The following RCC1 variants were observed in gnomAD, a reference collection of about 807,000 sequenced individuals.
RCC1 encodes regulator of chromosome condensation 1, also known as regulator of chromosome condensation.
RCC1 carries 11 observed loss-of-function variants against 44.4 expected under a neutral mutation model. That is an observed-to-expected ratio of 0.25 (90% confidence interval 0.16 to 0.41). The LOEUF (loss-of-function observed/expected upper bound fraction) is 0.41. RCC1 is among the 10% of genes least tolerant of loss of function. The probability of loss-of-function intolerance (pLI) is 1.00; values close to 1 mark genes in which losing one functional copy is unlikely to be tolerated. For synonymous variants in RCC1, 213 were observed against 216.5 expected, an observed-to-expected ratio of 0.98 and a Z score of 0.14; for missense variants, 386 against 547.1, an observed-to-expected ratio of 0.71 and a Z score of 2.94.
chr1:28,532,569 CCTGGG>C, intron 7 of RCC1: 1 of 562,092 alleles, frequency 1.8e-6, no homozygotes, highest in Non-Finnish European at 3.2e-6. Flanking sequence ...AAGTGTCTGT[CCTGGG>C]AAGTGAGTGG....
intron 9 of RCC1, 168 bp from the exon 10 acceptor site, chr1:28,535,703 C>T: frequency 1.2e-6 from 1 of 825,680 alleles, no homozygotes; most frequent in Non-Finnish European, 2.0e-6. Context: ...GGAATCTGAG[C>T]AAGGCACTTG....
At position 28,535,784 on chromosome 1, in the gene RCC1, T is replaced by C. The variant is rs1439283835; in HGVS notation, c.662-87T>C. 1.2e-5 allele frequency: 18 copies of C among 1,460,780 alleles called. No individual in the cohort carries two copies. In the East Asian group the frequency reaches 4.1e-4, roughly 33 times the overall value. 90.5% of individuals were successfully genotyped at this position (1,460,780 alleles called of 1,614,324 possible). Reference sequence around the variant, plus strand: ...GTCCCTACTTAGCCTCTCAAGGGCTTTTATAATGGAGGAGAATTAAACTCG... The same window carrying C: ...GTCCCTACTTAGCCTCTCAAGGGCTCTTATAATGGAGGAGAATTAAACTCG... On this transcript the variant is annotated intron_variant, in intron 9 of 12. Coordinates refer to ENST00000683442, the MANE Select transcript of RCC1 (RefSeq NM_001381865.2).
chr1:28,522,982 A>G (rs907384547), intron 4 of RCC1, among the ~76,000 whole-genome samples: 3 of 149,554 alleles, frequency 2.0e-5, no homozygotes, highest in Admixed American at 2.0e-4. Context: ...AGGCAAGCTG[A>G]GAGACTACTA....
chr1:28,526,518 GCAA>G, intron 4 of RCC1: 1 of 578,234 alleles, frequency 1.7e-6, no homozygotes, highest in South Asian at 1.9e-5. Context: ...CACTGAGACT[GCAA>G]CAACTTCAAA....
chr1:28,511,649 G>A (rs1038681910), intron 3 of RCC1, among the ~76,000 whole-genome samples: 3 of 151,380 alleles, frequency 2.0e-5, no homozygotes, highest in Non-Finnish European at 2.9e-5. Flanking sequence ...GTTTACAGGC[G>A]TCAGCCACCA....
intron 7 of RCC1, among the ~76,000 whole-genome samples, chr1:28,534,414 C>G (rs1664414182): frequency 6.6e-6 from 1 of 151,992 alleles, no homozygotes; most frequent in Non-Finnish European, 1.5e-5. Context: ...ATCTCCTGAC[C>G]TCGTGATCGC....
intron 4 of RCC1, among the ~76,000 whole-genome samples, chr1:28,521,616 C>T (rs1158271772): frequency 2.6e-5 from 4 of 152,150 alleles, no homozygotes; most frequent in African/African-American, 4.8e-5. Flanking sequence ...GCCTCTGGGA[C>T]TCAAAGAGCA....
At chr1:28,529,370 G>A (rs565428654) in intron 4 of RCC1, among the ~76,000 whole-genome samples, 2 of 151,578 alleles carry the variant, frequency 1.3e-5, no homozygotes, top group Non-Finnish European at 2.9e-5. Flanking sequence ...TTTTAGTAGA[G>A]ACGGGGTTTT....
intron 4 of RCC1, among the ~76,000 whole-genome samples, chr1:28,517,459 G>C (rs1052207644): frequency 2.6e-5 from 4 of 152,056 alleles, no homozygotes; most frequent in Non-Finnish European, 5.9e-5. Context: ...TGTTCTATAA[G>C]ATCTGATCAT....
intron 4 of RCC1, among the ~76,000 whole-genome samples, chr1:28,527,481 G>A (rs914312592): frequency 3.9e-5 from 6 of 152,064 alleles, no homozygotes; most frequent in African/African-American, 1.4e-4. Flanking sequence ...GGGCTCAAGC[G>A]ATCCTCCTGC....
intron 5 of RCC1, among the ~76,000 whole-genome samples, chr1:28,530,291 A>G (rs749400239): frequency 2.0e-5 from 3 of 152,246 alleles, no homozygotes; most frequent in African/African-American, 7.2e-5. Flanking sequence ...CAAGTCACTT[A>G]ATCCCGCAGT....
chr1:28,523,033 T>C (rs182156909), intron 4 of RCC1, among the ~76,000 whole-genome samples: 4,821 of 138,338 alleles, frequency 0.035, 126 homozygotes, highest in African/African-American at 0.053. Flanking sequence ...ATTTCTTTTT[T>C]TTTTTTTTTT....
At chr1:28,523,321 A>AGAAGT (rs1663420086) in intron 4 of RCC1, among the ~76,000 whole-genome samples, 1 of 152,016 alleles carries the variant, frequency 6.6e-6, no homozygotes, top group Admixed American at 6.6e-5. Flanking sequence ...GCCCGGCCAG[A>AGAAGT]AGAAATTTCT....
At chr1:28,534,309 T>G (rs1664404694) in intron 7 of RCC1, among the ~76,000 whole-genome samples, 1 of 152,036 alleles carries the variant, frequency 6.6e-6, no homozygotes, top group African/African-American at 2.4e-5. Flanking sequence ...GTCTCCCGAG[T>G]AGCTGGGACT....
intron 9 of RCC1, 187 bp from the exon 10 acceptor site, chr1:28,535,684 A>G: frequency 1.3e-6 from 1 of 778,466 alleles, no homozygotes; most frequent in Non-Finnish European, 2.2e-6. Context: ...GATACCCGTA[A>G]TGACTGTGGG....
chr1:28,507,326 T>A lies in RCC1; in HGVS notation c.-261-802T>A, dbSNP rs183910322. The A allele has an allele frequency of 1.5e-3, 787 of 512,742 alleles. 2 individuals are homozygous for A. The highest frequency in any genetic ancestry group is 2.7e-3 in the Non-Finnish European group (681 of 254,868). 31.8% of individuals were successfully genotyped at this position (512,742 alleles called of 1,614,324 possible). On this transcript the variant is annotated intron_variant, in intron 1 of 12. Transcript: ENST00000683442. The stretch of plus-strand genomic sequence containing the variant: ...AGTAACATGAATGGATGAAATTGTT[T>A]CCTATTGGATTCTGTAAATTTATGC...
chr1:28,515,045 A>G (rs1448853390), intron 3 of RCC1, among the ~76,000 whole-genome samples: 1 of 152,198 alleles, frequency 6.6e-6, no homozygotes, highest in Non-Finnish European at 1.5e-5. Flanking sequence ...TGGGATGCCA[A>G]GGCAGGCTGA....
intron 4 of RCC1, among the ~76,000 whole-genome samples, chr1:28,523,615 G>A (rs564913041): frequency 1.8e-4 from 27 of 152,094 alleles, no homozygotes; most frequent in East Asian, 1.5e-3. Context: ...ACTCCATTCC[G>A]GGCTGTGCTC....
intron 4 of RCC1, among the ~76,000 whole-genome samples, chr1:28,521,536 C>G (rs567732732): frequency 6.6e-6 from 1 of 152,124 alleles, no homozygotes; most frequent in East Asian, 1.9e-4. Context: ...AGGTGGCCCT[C>G]CATCCCCTGC....
Sources: allele counts gnomAD v4.1 joint callset (sites outside exome capture counted in the v4.1 genomes callset), GRCh38; gene constraint gnomAD v4.1.1; transcripts MANE v1.5; gene names NCBI Gene and HGNC (gene_info 2026-07-23, HGNC 2026-07-21).